The following ADARB2 variants were observed in gnomAD, a reference collection of about 807,000 sequenced individuals.
ADARB2 encodes inactive double-stranded RNA-specific editase B2.
A neutral mutation model predicts 62.2 loss-of-function variants in ADARB2; 25 were observed. The observed-to-expected ratio is 0.40, with a 90% CI of 0.29 to 0.56. The LOEUF (loss-of-function observed/expected upper bound fraction) is 0.56, where lower values mean the gene tolerates loss of function less well. ADARB2 is among the 20% of genes least tolerant of loss of function. The probability of loss-of-function intolerance (pLI) is 0.43; values close to 1 mark genes in which losing one functional copy is unlikely to be tolerated. For missense variants in ADARB2, 1,071 were observed against 1,077.4 expected, an observed-to-expected ratio of 0.99 and a Z score of 0.08; for synonymous variants, 572 against 500.8, an observed-to-expected ratio of 1.14 and a Z score of -1.90.
chr10:1,460,065 TGAGTTTA>T (rs1172886090), intron 1 of ADARB2, among the ~76,000 whole-genome samples: 8 of 62,836 alleles, frequency 1.3e-4, no homozygotes, highest in African/African-American at 3.1e-4. Context: ...GCCTGTGACC[TGAGTTTA>T]CCTGCGTAAC....
At chr10:1,329,769 G>T (rs977154590) in intron 3 of ADARB2, among the ~76,000 whole-genome samples, 7 of 152,096 alleles carry the variant, frequency 4.6e-5, no homozygotes, top group African/African-American at 1.7e-4. Flanking sequence ...CTGGGGGCTT[G>T]GTTTGTTCTG....
intron 1 of ADARB2, among the ~76,000 whole-genome samples, chr10:1,633,609 T>TATCTATCTATCTATCC (rs1469419262): frequency 4.7e-5 from 7 of 147,956 alleles, no homozygotes; most frequent in African/African-American, 1.8e-4. Context: ...TCTATCTATC[T>TATCTATCTATCTATCC]ATCCCTCTAT....
At chr10:1,507,573 T>C (rs932141477) in intron 1 of ADARB2, among the ~76,000 whole-genome samples, 1 of 152,190 alleles carries the variant, frequency 6.6e-6, no homozygotes, top group African/African-American at 2.4e-5. Flanking sequence ...ATGTTTACCC[T>C]CGACCAGGTG....
chr10:1,713,501 C>T (rs565247608), intron 1 of ADARB2, among the ~76,000 whole-genome samples: 7 of 152,232 alleles, frequency 4.6e-5, no homozygotes, highest in South Asian at 2.1e-4. Flanking sequence ...GCCATGGCTC[C>T]GTGGGTGTAA....
intron 8 of ADARB2, among the ~76,000 whole-genome samples, chr10:1,197,442 G>A (rs958772687): frequency 6.6e-6 from 1 of 152,220 alleles, no homozygotes; most frequent in Non-Finnish European, 1.5e-5. Context: ...TCTGACAAAT[G>A]GTTTTGCTGT....
intron 3 of ADARB2, among the ~76,000 whole-genome samples, chr10:1,352,406 G>A (rs1832152636): frequency 6.6e-6 from 1 of 152,170 alleles, no homozygotes; most frequent in African/African-American, 2.4e-5. Context: ...CTTGAAGACA[G>A]CTTTAGAGAC....
intron 1 of ADARB2, among the ~76,000 whole-genome samples, chr10:1,582,941 G>A (rs1833125465): frequency 1.3e-5 from 2 of 152,186 alleles, no homozygotes; most frequent in Admixed American, 6.5e-5. Flanking sequence ...AGCAGTCATG[G>A]GCCTGTCTTG....
rs147522703 is a variant in ADARB2 at position 1,591,095 on chromosome 10, T to G, written c.100+145956A>C. Among the ~76,000 whole-genome samples, 243 of 152,384 alleles carry G rather than the reference T, an allele frequency of 1.6e-3. 2 individuals carry two copies. The highest frequency in any genetic ancestry group is 5.2e-3 in the African/African-American group (217 of 41,594). ...AATCTGTGTCCGAAGCCTTTTTAATTCATCCTTTGTGGTTCCTCAGAAGAG... is the reference window on the plus strand; with the variant it reads ...AATCTGTGTCCGAAGCCTTTTTAATGCATCCTTTGTGGTTCCTCAGAAGAG... On this transcript the variant is annotated intron_variant, in intron 1 of 9. Coordinates refer to ENST00000381312, the MANE Select transcript of ADARB2 (RefSeq NM_018702.4).
intron 1 of ADARB2, among the ~76,000 whole-genome samples, chr10:1,627,427 T>C (rs963097638): frequency 2.0e-4 from 31 of 152,240 alleles, no homozygotes; most frequent in Middle Eastern, 3.4e-3. Context: ...CCTTCTTACA[T>C]CTGTTGCAGG....
At position 1,398,924 on chromosome 10, in the gene ADARB2, C is replaced by G. The variant is rs780714152; in HGVS notation, c.101-19764G>C. Among the ~76,000 whole-genome samples the G allele has an allele frequency of 6.6e-6, 1 of 152,126 alleles. No individual in the cohort carries two copies. Among genetic ancestry groups the G allele is most frequent in the Non-Finnish European group, 1.5e-5 (1 of 68,014 alleles). On this transcript the variant is annotated intron_variant, in intron 1 of 9. Coordinates refer to ENST00000381312, the MANE Select transcript of ADARB2 (RefSeq NM_018702.4). The surrounding 1 kb of genome is among the most constrained non-coding windows in gnomAD (Gnocchi z 4.1). ...GTAGAGTGGTTTGCCAGAGAACCAC[C>G]GAAGAGCCTTCCAGGGACTTCTAAG...
chr10:1,490,039 C>A (rs1217822807), intron 1 of ADARB2, among the ~76,000 whole-genome samples: 3 of 152,196 alleles, frequency 2.0e-5, no homozygotes, highest in Non-Finnish European at 4.4e-5. Flanking sequence ...TAAACAGAAG[C>A]ACACGTTAGC....
chr10:1,598,672 A>G (rs1283808136), intron 1 of ADARB2, among the ~76,000 whole-genome samples: 1 of 152,198 alleles, frequency 6.6e-6, no homozygotes, highest in African/African-American at 2.4e-5. Flanking sequence ...GGGCAGGAGG[A>G]GCCCACAGAA....
chr10:1,628,979 C>A (rs879691331), intron 1 of ADARB2, among the ~76,000 whole-genome samples: 3 of 152,106 alleles, frequency 2.0e-5, no homozygotes, highest in Non-Finnish European at 4.4e-5. Context: ...GGACAGCTGG[C>A]CGGGTTTCAT....
intron 1 of ADARB2, among the ~76,000 whole-genome samples, chr10:1,512,995 C>T (rs138450316): frequency 6.6e-6 from 1 of 152,266 alleles, no homozygotes; most frequent in Non-Finnish European, 1.5e-5. Context: ...GTCTGGAGAG[C>T]GAACGTGAAG....
At chr10:1,503,834 C>T (rs1298294399) in intron 1 of ADARB2, among the ~76,000 whole-genome samples, 1 of 152,102 alleles carries the variant, frequency 6.6e-6, no homozygotes, top group Non-Finnish European at 1.5e-5. Context: ...ATGTGACATG[C>T]CTGCCCTGTC....
rs116244592 is a variant in ADARB2, at chr10:1,332,745, C to T, written c.1077+30283G>A. On this transcript the variant is annotated intron_variant, in intron 3 of 9. Coordinates refer to ENST00000381312, the MANE Select transcript of ADARB2 (RefSeq NM_018702.4). ...CATCTGTCCAATAGAGACACCACTA[C>T]TGGTTAATTTGATTAATTCAGATGA... Among the ~76,000 whole-genome samples, 1,124 of 152,272 alleles carry T rather than the reference C, an allele frequency of 7.4e-3. 19 individuals carry two copies. The highest frequency in any genetic ancestry group is 0.025 in the African/African-American group (1,026 of 41,534).
chr10:1,733,159 C>G (rs1835254858), intron 1 of ADARB2, among the ~76,000 whole-genome samples: 1 of 152,200 alleles, frequency 6.6e-6, no homozygotes. Context: ...ACCCCTGAAG[C>G]CCCTTCCCCT....
At position 1,181,633 on chromosome 10, in the gene ADARB2, A is replaced by G. The variant is rs1490654958; in HGVS notation, c.*1560T>C. 6.6e-6 allele frequency: 1 copy of G among 152,228 alleles called. No individual in the cohort carries two copies. Among genetic ancestry groups the G allele is most frequent in the African/African-American group, 2.4e-5 (1 of 41,464 alleles). 9.4% of individuals were successfully genotyped at this position (152,228 alleles called of 1,614,324 possible). A position where few individuals can be genotyped will look rare whatever the true frequency, so the allele number is the denominator to read the frequency against. ...CTTCTCATTATGATAACTGTAATTT[A>G]TAGCACTTGACTATGTACAGCACAA... On this transcript the variant is annotated 3_prime_UTR_variant, in exon 10 of 10. Transcript: ENST00000381312.
chr10:1,518,060 A>G (rs997235416), intron 1 of ADARB2, among the ~76,000 whole-genome samples: 3 of 152,174 alleles, frequency 2.0e-5, no homozygotes, highest in Non-Finnish European at 4.4e-5. Context: ...TTAAGCATAG[A>G]AAGACAGATG....
Sources: allele counts gnomAD v4.1 joint callset (sites outside exome capture counted in the v4.1 genomes callset), GRCh38; gene constraint gnomAD v4.1.1; non-coding constraint Gnocchi (gnomAD v3.1); transcripts MANE v1.5; gene names NCBI Gene and HGNC (gene_info 2026-07-23, HGNC 2026-07-21).